CAP2: variants seen among roughly 807,000 people sequenced by gnomAD.
The protein encoded by CAP2 is cyclase associated actin cytoskeleton regulatory protein 2.
A neutral mutation model predicts 57.7 loss-of-function variants in CAP2; 24 were observed. The observed-to-expected ratio is 0.42, with a 90% CI of 0.30 to 0.58. The LOEUF (loss-of-function observed/expected upper bound fraction) is 0.58, where lower values mean the gene tolerates loss of function less well. Ranked by LOEUF, CAP2 falls within the 20% of genes least tolerant of loss-of-function variation. The pLI is 0.22. For missense variants in CAP2, 501 were observed against 590.3 expected, an observed-to-expected ratio of 0.85 and a Z score of 1.57; for synonymous variants, 194 against 207.2, an observed-to-expected ratio of 0.94 and a Z score of 0.55.
intron 1 of CAP2, among the ~76,000 whole-genome samples, chr6:17,407,778 CAAAAAAAA>C (rs60480016): frequency 1.4e-5 from 1 of 69,354 alleles, no homozygotes; most frequent in Admixed American, 1.9e-4. Flanking sequence ...GACTCGGTCT[CAAAAAAAA>C]AAAAAAAAAA....
intron 4 of CAP2, among the ~76,000 whole-genome samples, chr6:17,487,517 T>A (rs1453267175): frequency 6.6e-6 from 1 of 152,200 alleles, no homozygotes; most frequent in Non-Finnish European, 1.5e-5. Context: ...TCGCCCAAGC[T>A]GGAGTGCAGA....
intron 4 of CAP2, among the ~76,000 whole-genome samples, chr6:17,492,054 G>A (rs1761555141): frequency 6.6e-6 from 1 of 152,218 alleles, no homozygotes; most frequent in Admixed American, 6.5e-5. Context: ...AGTACTTAAT[G>A]TGCCAGGAGG....
chr6:17,395,504 A>T (rs1022528358), intron 1 of CAP2, among the ~76,000 whole-genome samples: 4 of 152,204 alleles, frequency 2.6e-5, no homozygotes, highest in Non-Finnish European at 5.9e-5. Flanking sequence ...TTGTCCTTCT[A>T]GTAGTAGTTT....
chr6:17,503,137 C>T (rs370318140), intron 4 of CAP2, among the ~76,000 whole-genome samples: 1 of 152,144 alleles, frequency 6.6e-6, no homozygotes, highest in Non-Finnish European at 1.5e-5. Context: ...ACTGCCATTA[C>T]CCCTGCATTG....
chr6:17,532,134 CTTTTTTTTTT>C (rs35428314), intron 7 of CAP2, among the ~76,000 whole-genome samples: 21 of 86,002 alleles, frequency 2.4e-4, no homozygotes, highest in African/African-American at 9.2e-4. Flanking sequence ...GTTTGAAAAT[CTTTTTTTTTT>C]TTTTTTTTTT....
intron 4 of CAP2, among the ~76,000 whole-genome samples, chr6:17,494,619 A>C (rs951249817): frequency 6.6e-6 from 1 of 152,040 alleles, no homozygotes; most frequent in African/African-American, 2.4e-5. Flanking sequence ...TATGGTTTTT[A>C]ACAGTTAACA....
rs1554129489 is a variant in CAP2, at chr6:17,529,651, A to ATAT, written c.637-9618_637-9617insTAT. 5.7e-3 allele frequency among the ~76,000 whole-genome samples: 761 copies of ATAT among 134,526 alleles called. 12 individuals are homozygous for ATAT. The highest frequency in any genetic ancestry group is 0.021 in the African/African-American group (698 of 33,994). 88.3% of individuals were successfully genotyped at this position (134,526 alleles called of 152,430 possible). A position where few individuals can be genotyped will look rare whatever the true frequency, so the allele number is the denominator to read the frequency against. ...GCAAGACTCCGTCTCAAAAAAAAAA[A>ATAT]ATATATATATATATATATATGTATA... is the stretch of plus-strand genomic sequence containing the variant. On this transcript the variant is annotated intron_variant, in intron 7 of 12. Coordinates refer to ENST00000229922, the MANE Select transcript of CAP2 (RefSeq NM_006366.3).
chr6:17,482,086 G>A (rs6459548), intron 4 of CAP2, among the ~76,000 whole-genome samples: 27,512 of 152,112 alleles, frequency 0.18, 8,102 homozygotes, highest in African/African-American at 0.62. Context: ...TACTCATCAC[G>A]ATCCTTTCCT....
At chr6:17,555,876 A>C (rs980957528) in intron 12 of CAP2, among the ~76,000 whole-genome samples, 1 of 152,178 alleles carries the variant, frequency 6.6e-6, no homozygotes, top group African/African-American at 2.4e-5. Context: ...CAGAATCTGC[A>C]TTTTCATAAG....
chr6:17,550,584 G>A (rs1763148011), intron 11 of CAP2, among the ~76,000 whole-genome samples: 1 of 151,730 alleles, frequency 6.6e-6, no homozygotes, highest in South Asian at 2.1e-4. Flanking sequence ...TTTCTCCACG[G>A]TGAAAGAAGA....
At chr6:17,494,673 C>G (rs1410870405) in intron 4 of CAP2, among the ~76,000 whole-genome samples, 6 of 152,264 alleles carry the variant, frequency 3.9e-5, no homozygotes, top group East Asian at 3.9e-4. Context: ...ATCTGCGTCT[C>G]TCTCCCCCTG....
At chr6:17,414,689 A>T (rs1759232782) in intron 1 of CAP2, among the ~76,000 whole-genome samples, 1 of 152,078 alleles carries the variant, frequency 6.6e-6, no homozygotes, top group Non-Finnish European at 1.5e-5. Flanking sequence ...TGTCTTTGTT[A>T]TTGTAAATAG....
intron 11 of CAP2, among the ~76,000 whole-genome samples, chr6:17,545,488 C>T (rs1018978285): frequency 2.0e-5 from 3 of 152,118 alleles, no homozygotes; most frequent in Non-Finnish European, 4.4e-5. Context: ...AACAGATAGG[C>T]AGATATGTCT....
chr6:17,521,989 AT>A (rs1361423358), intron 7 of CAP2, among the ~76,000 whole-genome samples: 5 of 151,902 alleles, frequency 3.3e-5, no homozygotes, highest in African/African-American at 1.2e-4. Context: ...CAGACCTGTA[AT>A]CCCAGCTACT....
At chr6:17,403,951 A>G (rs150792244) in intron 1 of CAP2, among the ~76,000 whole-genome samples, 93 of 152,344 alleles carry the variant, frequency 6.1e-4, no homozygotes, top group African/African-American at 2.2e-3. Flanking sequence ...GCCAATCTAA[A>G]AATGTGCAAG....
At chr6:17,553,396 G>A (rs1763217850) in intron 12 of CAP2, among the ~76,000 whole-genome samples, 1 of 152,222 alleles carries the variant, frequency 6.6e-6, no homozygotes, top group South Asian at 2.1e-4. Flanking sequence ...CACTTTGGGA[G>A]GCCGAGGCGG....
At chr6:17,455,681 GC>G (rs1269326512) in intron 3 of CAP2, among the ~76,000 whole-genome samples, 2 of 151,852 alleles carry the variant, frequency 1.3e-5, no homozygotes, top group Non-Finnish European at 2.9e-5. Context: ...GACTACAGGC[GC>G]CCACCACCAT....
intron 1 of CAP2, among the ~76,000 whole-genome samples, chr6:17,407,269 T>G (rs1163207222): frequency 6.6e-6 from 1 of 152,166 alleles, no homozygotes; most frequent in Non-Finnish European, 1.5e-5. Flanking sequence ...GAACCTGTAG[T>G]TTTTTAGTGG....
intron 8 of CAP2, 25 bp from the exon 9 acceptor site, chr6:17,540,948 G>A: frequency 1.3e-6 from 2 of 1,593,300 alleles, no homozygotes; most frequent in Non-Finnish European, 1.7e-6. Context: ...TAAAATAAAT[G>A]TGTCCATGTG....
Sources: gnomAD v4.1 joint callset for allele counts (sites outside exome capture counted in the v4.1 genomes callset) on GRCh38, gnomAD v4.1.1 for gene constraint, MANE v1.5 for transcripts, NCBI Gene and HGNC (gene_info 2026-07-23, HGNC 2026-07-21) for gene names.